The following FAM120B variants were observed in gnomAD, a reference collection of about 807,000 sequenced individuals.
FAM120B encodes constitutive coactivator of peroxisome proliferator-activated receptor gamma.
FAM120B carries 83 observed loss-of-function variants against 96.3 expected under a neutral mutation model. The ratio of observed to expected loss-of-function variants is 0.86; its 90% CI spans 0.72 to 1.03. FAM120B has a LOEUF of 1.03. Among genes scored for constraint, FAM120B ranks in the 50% least tolerant of loss-of-function variants. The probability of loss-of-function intolerance (pLI) is 0.00; values close to 1 mark genes in which losing one functional copy is unlikely to be tolerated. For synonymous variants in FAM120B, 407 were observed against 402.7 expected (o/e 1.01, Z -0.13); for missense variants, 1,027 against 1,121.2 (o/e 0.92, Z 1.20).
At position 170,317,971 on chromosome 6, in the gene FAM120B, G is replaced by A; in HGVS notation, c.581G>A (p.Ser194Asn). ...GACACTTGTCCCTACTTTTCAATTA[G>A]CGAGCTCTGCCTAGAGAGCCTGGAC... ...IYDTCPYFSISELCLESLDTV... is the reference protein window; with the variant it reads ...IYDTCPYFSINELCLESLDTV... The change falls in exon 2 of 11, where the codon AGC becomes AAC. Residue 194 changes from serine to asparagine, a missense_variant. Physicochemically the swap from Ser to Asn is conservative, Grantham distance 46. Around this residue, in one of 3 missense-constraint regions of FAM120B, gnomAD observed 880 missense variants for 980.9 expected, o/e 0.90. Transcript: ENST00000476287. 1.2e-6 allele frequency: 2 copies of A among 1,613,930 alleles called. No individual in the cohort carries two copies. Among genetic ancestry groups the A allele is most frequent in the Non-Finnish European group, 1.7e-6 (2 of 1,179,870 alleles).
chr6:170,314,462 T>C (rs565790353), intron 1 of FAM120B, among the ~76,000 whole-genome samples: 2 of 152,270 alleles, frequency 1.3e-5, no homozygotes, highest in South Asian at 4.1e-4. Context: ...CCCCAAAGGG[T>C]CCCAGGCCAT....
intron 1 of FAM120B, among the ~76,000 whole-genome samples, chr6:170,312,538 C>T (rs768338386): frequency 9.2e-5 from 14 of 152,084 alleles, no homozygotes; most frequent in South Asian, 2.1e-4. Flanking sequence ...TGGAACTTTT[C>T]GTTTTATCAA....
upstream of FAM120B, among the ~76,000 whole-genome samples, chr6:170,295,127 C>T (rs918644419): frequency 2.0e-5 from 3 of 152,356 alleles, no homozygotes; most frequent in African/African-American, 7.2e-5. The surrounding 1 kb of genome is among the most constrained non-coding windows in gnomAD (Gnocchi z 7.8). Context: ...CTGGCTGCCA[C>T]ACGGGAAGTT....
At chr6:170,315,399 A>G (rs1440522052) in intron 1 of FAM120B, among the ~76,000 whole-genome samples, 1 of 152,238 alleles carries the variant, frequency 6.6e-6, no homozygotes, top group Non-Finnish European at 1.5e-5. Flanking sequence ...CTGTTGGAAT[A>G]ACAAATGAAA....
intron 6 of FAM120B, among the ~76,000 whole-genome samples, chr6:170,382,387 G>A (rs898941237): frequency 1.3e-5 from 2 of 152,238 alleles, no homozygotes; most frequent in South Asian, 2.1e-4. Flanking sequence ...CTGGGCAACC[G>A]AGTGAGACCC....
At chr6:170,358,932 T>C (rs934265940) in intron 6 of FAM120B, among the ~76,000 whole-genome samples, 26 of 152,230 alleles carry the variant, frequency 1.7e-4, no homozygotes, top group Admixed American at 1.6e-3. Flanking sequence ...TGTTGTTTCC[T>C]GTTAGAATAT....
At chr6:170,309,431 T>C (rs1396781305) in intron 1 of FAM120B, among the ~76,000 whole-genome samples, 1 of 152,204 alleles carries the variant, frequency 6.6e-6, no homozygotes, top group Non-Finnish European at 1.5e-5. Context: ...GGGCCTCCCT[T>C]AGCCAAAAAA....
At chr6:170,400,450 C>G (rs1456865997) in intron 9 of FAM120B, among the ~76,000 whole-genome samples, 1 of 152,132 alleles carries the variant, frequency 6.6e-6, no homozygotes, top group Non-Finnish European at 1.5e-5. Context: ...CTTTCATTTT[C>G]TTCCAGAGGC....
At chr6:170,398,296 T>A (rs920717202) in intron 9 of FAM120B, among the ~76,000 whole-genome samples, 1 of 152,268 alleles carries the variant, frequency 6.6e-6, no homozygotes, top group Non-Finnish European at 1.5e-5. Flanking sequence ...ATTAGTAAAG[T>A]GTAACTCTTA....
At position 170,383,419 on chromosome 6, in the gene FAM120B, A is replaced by C. The variant is rs76901111; in HGVS notation, c.2284-4868A>C. 0.053 allele frequency among the ~76,000 whole-genome samples: 8,105 copies of C among 152,338 alleles called. 1,090 individuals carry two copies. The East Asian group carries it at 0.57, about 11-fold the overall frequency. On this transcript the variant is annotated intron_variant, in intron 6 of 10. Transcript: ENST00000476287. ...TACTTGCAAACCTCCTGTCTGACAG[A>C]GATCTTATACCTAGAAAATATAAAG...
At chr6:170,342,639 G>A (rs974737211) in intron 4 of FAM120B, among the ~76,000 whole-genome samples, 19 of 152,144 alleles carry the variant, frequency 1.2e-4, no homozygotes, top group East Asian at 7.7e-4. Context: ...CTTTGCCTGC[G>A]CTTCTGCATG....
chr6:170,295,876 G>C lies in FAM120B; in HGVS notation c.48+423G>C, dbSNP rs1415716393. On this transcript the variant is annotated intron_variant, in intron 1 of 10. Transcript: ENST00000537664. This position sits in a 1 kb window ranked among gnomAD's most constrained non-coding sequence, Gnocchi z 7.8. The stretch of plus-strand genomic sequence containing the variant: ...GGAGCCCGGGGCCGAGGCCAGGCCC[G>C]CTGCGAGCAGCGGAGGCATGTGCTG... Among the ~76,000 whole-genome samples, 1 of 152,072 alleles carries C rather than the reference G, an allele frequency of 6.6e-6. No homozygotes were observed. Among genetic ancestry groups the C allele is most frequent in the Non-Finnish European group, 1.5e-5 (1 of 67,984 alleles).
intron 9 of FAM120B, among the ~76,000 whole-genome samples, chr6:170,402,687 G>A (rs1422009356): frequency 2.0e-5 from 3 of 152,216 alleles, no homozygotes; most frequent in Non-Finnish European, 4.4e-5. Flanking sequence ...AACTCCAGGT[G>A]TAGGGTTCCC....
At chr6:170,315,953 G>A (rs1273930337) in intron 1 of FAM120B, among the ~76,000 whole-genome samples, 1 of 149,288 alleles carries the variant, frequency 6.7e-6, no homozygotes, top group Non-Finnish European at 1.5e-5. Flanking sequence ...CAGGTGTGGT[G>A]GCAGCTAAGA....
intron 4 of FAM120B, among the ~76,000 whole-genome samples, chr6:170,346,028 ATTTGTG>A (rs1366764245): frequency 1.3e-5 from 2 of 152,220 alleles, no homozygotes; most frequent in East Asian, 3.8e-4. Flanking sequence ...AGTGGCAAGC[ATTTGTG>A]TATGTAAACA....
At position 170,358,318 on chromosome 6, in the gene FAM120B, G is replaced by A; in HGVS notation, c.2283G>A (p.Gln761=). The change falls in exon 6 of 11, where the codon CAG becomes CAA. Residue 761 remains glutamine (Q), a splice_region_variant and synonymous_variant. Coordinates refer to ENST00000476287, the MANE Select transcript of FAM120B (RefSeq NM_032448.3). ...GKSTSQLVNL[Q]PDYINPRAVQ... is the part of the protein sequence containing the mutation. Reference sequence around the variant, plus strand: ...CCACCTCGCAGCTTGTAAATCTACAGGTACAGACGTGACCAGTTAGTTGTC... The same window carrying A: ...CCACCTCGCAGCTTGTAAATCTACAAGTACAGACGTGACCAGTTAGTTGTC... 1 of 1,596,154 alleles carries A rather than the reference G, an allele frequency of 6.3e-7. No homozygotes were observed. Among genetic ancestry groups the A allele is most frequent in the South Asian group, 1.1e-5 (1 of 89,416 alleles).
chr6:170,361,854 C>A (rs989482693), intron 6 of FAM120B, among the ~76,000 whole-genome samples: 2 of 152,056 alleles, frequency 1.3e-5, no homozygotes, highest in Non-Finnish European at 2.9e-5. Context: ...AGTGCAGTGA[C>A]GTGATCTCAG....
At chr6:170,375,999 C>G (rs1489992401) in intron 6 of FAM120B, among the ~76,000 whole-genome samples, 1 of 152,146 alleles carries the variant, frequency 6.6e-6, no homozygotes, top group African/African-American at 2.4e-5. Flanking sequence ...CCAGAGAATT[C>G]AGTGAGGAGC....
At chr6:170,387,918 G>C (rs1790277061) in intron 6 of FAM120B, among the ~76,000 whole-genome samples, 1 of 152,170 alleles carries the variant, frequency 6.6e-6, no homozygotes, top group African/African-American at 2.4e-5. Flanking sequence ...CTTTTTCCTA[G>C]TGGACCACAG....
Sources: gnomAD v4.1 joint callset for allele counts (sites outside exome capture counted in the v4.1 genomes callset) on GRCh38, gnomAD v4.1.1 for gene constraint, gnomAD v4.1.1 regional missense constraint, Gnocchi (gnomAD v3.1) non-coding constraint, MANE v1.5 for transcripts, NCBI Gene and HGNC (gene_info 2026-07-23, HGNC 2026-07-21) for gene names.